Variants in LMO7 observed in about 807,000 individuals in gnomAD.
LMO7 encodes LIM domain only protein 7.
Under a neutral mutation model 206.5 loss-of-function variants are expected in LMO7, and 120 were observed. The observed-to-expected ratio is 0.58, with a 90% CI of 0.50 to 0.68. The LOEUF is 0.68. LMO7 is among the 30% of genes least tolerant of loss of function. The pLI is 0.00. For synonymous variants in LMO7, 706 were observed against 681.5 expected, an observed-to-expected ratio of 1.04 and a Z score of -0.56; for missense variants, 1,959 against 1,957.9, an observed-to-expected ratio of 1.00 and a Z score of -0.01.
intron 6 of LMO7, among the ~76,000 whole-genome samples, chr13:75,798,490 A>T (rs2054314007): frequency 6.6e-6 from 1 of 152,228 alleles, no homozygotes; most frequent in Admixed American, 6.5e-5. Flanking sequence ...GGAATGCTTT[A>T]TCAAAGGCTG....
At chr13:75,832,963 C>T (rs891303702) in intron 15 of LMO7, 88 bp from the exon 16 acceptor site, 9 of 707,494 alleles carry the variant, frequency 1.3e-5, no homozygotes, top group Admixed American at 8.3e-5. Flanking sequence ...GTCTACCTAG[C>T]GTGCAGTCTC....
chr13:75,690,939 G>C (rs2041418553), intron 1 of LMO7, among the ~76,000 whole-genome samples: 1 of 152,180 alleles, frequency 6.6e-6, no homozygotes, highest in African/African-American at 2.4e-5. Context: ...GAAATTTTCA[G>C]AGAATGTGTA....
Position 75,808,172 on chromosome 13 carries a change from G to A in LMO7, c.1889G>A (p.Arg630Lys). The A allele has an allele frequency of 6.2e-7, 1 of 1,613,248 alleles. No individual in the cohort carries two copies. Among genetic ancestry groups the A allele is most frequent in the South Asian group, 1.1e-5 (1 of 91,010 alleles). ...GCCATCCGGGAGGCCAGCAGACTTA[G>A]GCACAAGAAAAGGCTGATGGTGGAG... ...WEAIREASRL[R>K]HKKRLMVERL... Residue 630 changes from arginine to lysine, a missense_variant, in exon 10 of 31, where the codon AGG (arginine) becomes AAG (lysine). Physicochemically the swap from Arg to Lys is conservative, Grantham distance 26. Coordinates refer to ENST00000377534, the MANE Select transcript of LMO7 (RefSeq NM_001306080.2).
At position 75,636,557 on chromosome 13, in the gene LMO7, G is replaced by C. The variant is rs980992245; in HGVS notation, c.-101G>C. The C allele has an allele frequency of 7.6e-5, 117 of 1,530,562 alleles. No individual in the cohort carries two copies. In the East Asian group the frequency reaches 2.8e-3, roughly 36 times the overall value. 94.8% of individuals were successfully genotyped at this position (1,530,562 alleles called of 1,614,324 possible). On this transcript the variant is annotated 5_prime_UTR_variant, in exon 1 of 31. Transcript: ENST00000377534. The stretch of plus-strand genomic sequence containing the variant: ...AGCCGGAGCGGAAGCCGGAGTTGTG[G>C]GAGGCCCGCGTGCCCTCCCCGCCCG...
chr13:75,647,737 A>G (rs1015932758), intron 1 of LMO7, among the ~76,000 whole-genome samples: 2 of 152,142 alleles, frequency 1.3e-5, no homozygotes, highest in African/African-American at 2.4e-5. Flanking sequence ...GAAAGTTTCT[A>G]TCATCTGCTT....
At position 75,834,388 on chromosome 13, in the gene LMO7, G is replaced by A; in HGVS notation, c.3226+1G>A. 1 of 1,584,840 alleles carries A rather than the reference G, an allele frequency of 6.3e-7. No homozygotes were observed. The highest frequency in any genetic ancestry group is 8.6e-7 in the Non-Finnish European group (1 of 1,166,328). ...GATGTGAGGCGCTATGGAAAGGCTGGTGAGTTTGTGTTACCACCATGTCTG... is the reference window on the plus strand; with the variant it reads ...GATGTGAGGCGCTATGGAAAGGCTGATGAGTTTGTGTTACCACCATGTCTG... On this transcript the variant is annotated splice_donor_variant, in intron 17 of 30. Coordinates refer to ENST00000377534, the MANE Select transcript of LMO7 (RefSeq NM_001306080.2). LOFTEE classifies it high-confidence loss of function.
chr13:75,725,280 C>T (rs750856223), intron 2 of LMO7, among the ~76,000 whole-genome samples: 20 of 152,094 alleles, frequency 1.3e-4, no homozygotes, highest in Admixed American at 1.2e-3. Flanking sequence ...TTATGATACT[C>T]TTCCTCCTGC....
chr13:75,745,869 G>C (rs772292869), intron 3 of LMO7, among the ~76,000 whole-genome samples: 13 of 152,198 alleles, frequency 8.5e-5, no homozygotes, highest in Non-Finnish European at 1.9e-4. Flanking sequence ...GTTCTTAGAG[G>C]AGGCTTGCTG....
At chr13:75,828,428 T>C (rs1295166360) in intron 15 of LMO7, among the ~76,000 whole-genome samples, 1 of 152,200 alleles carries the variant, frequency 6.6e-6, no homozygotes, top group Non-Finnish European at 1.5e-5. Context: ...TATGTATAGT[T>C]AAGAGACCAC....
At chr13:75,781,380 TG>T (rs2051409851) in intron 4 of LMO7, among the ~76,000 whole-genome samples, 1 of 146,348 alleles carries the variant, frequency 6.8e-6, no homozygotes, top group South Asian at 2.2e-4. Context: ...ATGTGGTGTT[TG>T]GTTTTTTGTT....
At chr13:75,684,807 GTA>G (rs896401010) in intron 1 of LMO7, among the ~76,000 whole-genome samples, 25 of 148,272 alleles carry the variant, frequency 1.7e-4, no homozygotes, top group African/African-American at 6.3e-4. Context: ...GTGTGTGTGT[GTA>G]TATGTATATA....
upstream of LMO7, among the ~76,000 whole-genome samples, chr13:75,635,277 A>G (rs1200277210): frequency 6.6e-6 from 1 of 152,120 alleles, no homozygotes; most frequent in African/African-American, 2.4e-5. Flanking sequence ...GTCTTCCGCC[A>G]AAGATGAAGC....
intron 2 of LMO7, among the ~76,000 whole-genome samples, chr13:75,629,042 TCTA>T (rs1010358754): frequency 4.6e-5 from 7 of 152,348 alleles, no homozygotes; most frequent in African/African-American, 1.7e-4. Context: ...GGTTATTACT[TCTA>T]CTACAGGGAA....
rs747307093 is a variant in LMO7, at chr13:75,849,135, A to G, written c.4207A>G (p.Lys1403Glu). 6.2e-7 allele frequency: 1 copy of G among 1,613,566 alleles called. No individual in the cohort carries two copies. Among genetic ancestry groups the G allele is most frequent in the Non-Finnish European group, 8.5e-7 (1 of 1,179,472 alleles). The change falls in exon 27 of 31, where the codon AAG (lysine) becomes GAG (glutamate). Residue 1403 changes from lysine (K) to glutamate (E), a missense_variant. Transcript: ENST00000377534. ...GNMTSSQRRSKKEQVPSGAEL... is the reference protein window; with the variant it reads ...GNMTSSQRRSEKEQVPSGAEL... ...CATGACCTCTTCACAGAGGAGATCCAAGAAAGAACAAGTACCATCAGGAGC... is the reference window on the plus strand; with the variant it reads ...CATGACCTCTTCACAGAGGAGATCCGAGAAAGAACAAGTACCATCAGGAGC...
chr13:75,760,715 G>C (rs1246794140), intron 3 of LMO7: 1 of 1,532,660 alleles, frequency 6.5e-7, no homozygotes, highest in Non-Finnish European at 8.7e-7. Context: ...GTGTATGCCC[G>C]GGCATAAGAT....
In LMO7 at chr13:75,837,674, T is replaced by C. The variant is rs180720514; in HGVS notation, c.3395-466T>C. ...CGTAACTTTAGTATTTTGTTTTCTT[T>C]GATCTTTCTTTGGGTATCATTTTGT... On this transcript the variant is annotated intron_variant, in intron 19 of 30. Coordinates refer to ENST00000377534, the MANE Select transcript of LMO7 (RefSeq NM_001306080.2). Among the ~76,000 whole-genome samples, 191 of 152,348 alleles carry C rather than the reference T, an allele frequency of 1.3e-3. 1 individual carries two copies. Among genetic ancestry groups the C allele is most frequent in the Middle Eastern group, 3.4e-3 (1 of 294 alleles).
At chr13:75,771,917 TC>T (rs2140061145) in intron 4 of LMO7, among the ~76,000 whole-genome samples, 1 of 63,572 alleles carries the variant, frequency 1.6e-5, no homozygotes, top group South Asian at 5.2e-4. Flanking sequence ...AATCCTGCTA[TC>T]AGTGTAGCTA....
chr13:75,748,704 G>A (rs2047045068), intron 3 of LMO7, among the ~76,000 whole-genome samples: 1 of 152,116 alleles, frequency 6.6e-6, no homozygotes, highest in African/African-American at 2.4e-5. Context: ...GGCTCTCATA[G>A]GAGGAAGATG....
chr13:75,665,947 C>T (rs916857408), intron 1 of LMO7, among the ~76,000 whole-genome samples: 4 of 152,136 alleles, frequency 2.6e-5, no homozygotes, highest in Admixed American at 2.6e-4. Context: ...ATTTAAGATC[C>T]TATTTTCTAG....
Sources: allele counts gnomAD v4.1 joint callset (sites outside exome capture counted in the v4.1 genomes callset), GRCh38; gene constraint gnomAD v4.1.1; transcripts MANE v1.5; gene names NCBI Gene and HGNC (gene_info 2026-07-23, HGNC 2026-07-21).